Variants in DIAPH2 observed in about 807,000 individuals in gnomAD.
The protein encoded by DIAPH2 is diaphanous related formin 2.
DIAPH2 carries 35 observed loss-of-function variants against 92.7 expected under a neutral mutation model. The observed-to-expected ratio is 0.38, with a 90% CI of 0.29 to 0.50. DIAPH2 has a LOEUF of 0.50. Among genes scored for constraint, DIAPH2 ranks in the 20% least tolerant of loss-of-function variants. DIAPH2 has a pLI of 0.94. For missense variants in DIAPH2, 701 were observed against 819.5 expected, an observed-to-expected ratio of 0.86 and a Z score of 1.77; for synonymous variants, 301 against 280.4, an observed-to-expected ratio of 1.07 and a Z score of -0.73.
At chrX:97,331,013 C>T (rs2147667073) in intron 23 of DIAPH2, among the ~76,000 whole-genome samples, 1 of 110,996 alleles carries the variant, frequency 9.0e-6, no homozygotes, top group East Asian at 2.8e-4. Flanking sequence ...CTTTGAATAA[C>T]ACATTGACAT....
At chrX:96,946,321 G>T (rs2065738166) in intron 14 of DIAPH2, among the ~76,000 whole-genome samples, 1 of 111,413 alleles carries the variant, frequency 9.0e-6, no homozygotes, top group Non-Finnish European at 1.9e-5. Context: ...TTAAGCATTA[G>T]TATAGTATTT....
chrX:97,276,677 G>A (rs768940213), intron 23 of DIAPH2, among the ~76,000 whole-genome samples: 60 of 112,275 alleles, frequency 5.3e-4, no homozygotes, highest in Non-Finnish European at 9.2e-4. Flanking sequence ...AATGCAAGCC[G>A]AAACATACTT....
chrX:97,477,833 G>T (rs2070623059), intron 26 of DIAPH2, among the ~76,000 whole-genome samples: 1 of 111,511 alleles, frequency 9.0e-6, no homozygotes, highest in Non-Finnish European at 1.9e-5. Flanking sequence ...AATTTCTTAT[G>T]AAATCTTGCA....
chrX:97,278,725 C>T (rs1282005367), intron 23 of DIAPH2, among the ~76,000 whole-genome samples: 1 of 112,137 alleles, frequency 8.9e-6, no homozygotes, highest in Non-Finnish European at 1.9e-5. Flanking sequence ...TTGAAAATAG[C>T]TCCAAGACAT....
intron 11 of DIAPH2, among the ~76,000 whole-genome samples, chrX:96,938,089 C>G (rs1264709013): frequency 9.0e-6 from 1 of 110,887 alleles, no homozygotes; most frequent in African/African-American, 3.3e-5. Flanking sequence ...TGCTTGCCCC[C>G]ACTCCCCAAA....
rs188568915 is a variant in DIAPH2 at position 97,479,914 on chromosome X, A to T, written c.3241+50169A>T. Among the ~76,000 whole-genome samples, 8 of 111,823 alleles carry T rather than the reference A, an allele frequency of 7.2e-5. No homozygotes were observed. In the East Asian group the frequency reaches 2.2e-3, roughly 31 times the overall value. On this transcript the variant is annotated intron_variant, in intron 26 of 26. Transcript: ENST00000324765. The stretch of plus-strand genomic sequence containing the variant: ...AGTTGAAAGTCAGCTTATTAGGTAG[A>T]TGTTATATGAACTTGCTTATTTCAA...
At chrX:96,915,827 G>A (rs1007133274) in intron 7 of DIAPH2, among the ~76,000 whole-genome samples, 2 of 111,286 alleles carry the variant, frequency 1.8e-5, no homozygotes, top group African/African-American at 6.5e-5. Flanking sequence ...AATGAAAATG[G>A]TGTTTTCTCT....
rs769074054 is a variant in DIAPH2 at position 97,119,822 on chromosome X, G to A, written c.2589+4857G>A. On this transcript the variant is annotated intron_variant, in intron 21 of 26. Coordinates refer to ENST00000324765, the MANE Select transcript of DIAPH2 (RefSeq NM_006729.5). ...GAGTCATGCAGGTTGTCAGGAAAGT[G>A]GGGGAAAGCCGGCAGTCACAGGCCT... Among the ~76,000 whole-genome samples, 5 of 111,427 alleles carry A rather than the reference G, an allele frequency of 4.5e-5. No homozygotes were observed. The East Asian group carries it at 1.4e-3, about 32-fold the overall frequency.
chrX:97,164,176 AATACTT>A (rs1359625202), intron 22 of DIAPH2, among the ~76,000 whole-genome samples: 8 of 111,835 alleles, frequency 7.2e-5, no homozygotes, highest in Non-Finnish European at 1.5e-4. Context: ...CAACCTTTAA[AATACTT>A]ATACTCTAGT....
At chrX:97,535,297 G>A (rs1454851425) in intron 26 of DIAPH2, among the ~76,000 whole-genome samples, 3 of 111,814 alleles carry the variant, frequency 2.7e-5, no homozygotes, top group African/African-American at 9.7e-5. Context: ...TACTATCTCT[G>A]CAATGTTTCT....
At chrX:97,008,261 A>T (rs1335415345) in intron 17 of DIAPH2, among the ~76,000 whole-genome samples, 1 of 108,853 alleles carries the variant, frequency 9.2e-6, no homozygotes, top group Non-Finnish European at 1.9e-5. Flanking sequence ...CTGCTCGATT[A>T]TTTGTAATTA....
rs768489823 is a variant in DIAPH2, at chrX:96,897,628, C to CT, written c.588-14699dup. Among the ~76,000 whole-genome samples the CT allele has an allele frequency of 1.7e-3, 192 of 110,766 alleles. 2 individuals carry two copies. Among genetic ancestry groups the CT allele is most frequent in the African/African-American group, 6.1e-3 (185 of 30,490 alleles). On this transcript the variant is annotated intron_variant, in intron 5 of 26. Coordinates refer to ENST00000324765, the MANE Select transcript of DIAPH2 (RefSeq NM_006729.5). ...TAATATAAGGCATGATTATGTAAAACTGACTGTAAAATTGAGATCCAGTTT... is the reference window on the plus strand; with the variant it reads ...TAATATAAGGCATGATTATGTAAAACTTGACTGTAAAATTGAGATCCAGTTT...
chrX:97,398,435 C>G (rs920815725), intron 25 of DIAPH2, among the ~76,000 whole-genome samples: 4 of 111,196 alleles, frequency 3.6e-5, no homozygotes, highest in Middle Eastern at 4.6e-3. Flanking sequence ...CCTGTAAGCT[C>G]CTGTGGCTAA....
chrX:97,110,488 A>G (rs1243299331), intron 20 of DIAPH2, among the ~76,000 whole-genome samples: 1 of 111,909 alleles, frequency 8.9e-6, no homozygotes, highest in Non-Finnish European at 1.9e-5. Flanking sequence ...CTATGTTAGT[A>G]ATCCAAGCTT....
At chrX:97,466,147 A>G (rs1180936041) in intron 26 of DIAPH2, among the ~76,000 whole-genome samples, 1 of 112,052 alleles carries the variant, frequency 8.9e-6, no homozygotes, top group Non-Finnish European at 1.9e-5. Context: ...TTTGTTTTGT[A>G]AAACAAATCT....
At chrX:97,444,035 A>C (rs1206345403) in intron 26 of DIAPH2, among the ~76,000 whole-genome samples, 1 of 112,363 alleles carries the variant, frequency 8.9e-6, no homozygotes, top group African/African-American at 3.2e-5. Context: ...TGCTTTTCCA[A>C]CTGTCACACT....
At chrX:97,052,255 A>G (rs767990775) in intron 17 of DIAPH2, among the ~76,000 whole-genome samples, 2 of 111,118 alleles carry the variant, frequency 1.8e-5, no homozygotes, top group Admixed American at 9.6e-5. Context: ...AGATTTAGAC[A>G]TTTAATACTA....
intron 15 of DIAPH2, 65 bp from the exon 16 acceptor site, chrX:96,957,763 T>G: frequency 1.3e-6 from 1 of 773,833 alleles, no homozygotes; most frequent in Non-Finnish European, 1.9e-6. Context: ...TCTATTGATA[T>G]ATATTTCTTC....
At chrX:97,198,301 C>T (rs868784875) in intron 22 of DIAPH2, among the ~76,000 whole-genome samples, 1 of 94,805 alleles carries the variant, frequency 1.1e-5, no homozygotes, top group Admixed American at 1.2e-4. Context: ...CACACACACA[C>T]ACATATGTGT....
Sources: gnomAD v4.1 joint callset for allele counts (sites outside exome capture counted in the v4.1 genomes callset) on GRCh38, gnomAD v4.1.1 for gene constraint, MANE v1.5 for transcripts, NCBI Gene and HGNC (gene_info 2026-07-23, HGNC 2026-07-21) for gene names.